Variants in STXBP3 observed in about 807,000 individuals in gnomAD.
STXBP3 encodes the protein syntaxin binding protein 3, also known as syntaxin-binding protein 3.
Under a neutral mutation model 85.7 loss-of-function variants are expected in STXBP3, and 41 were observed. The ratio of observed to expected loss-of-function variants is 0.48; its 90% confidence interval spans 0.37 to 0.62. The LOEUF (loss-of-function observed/expected upper bound fraction) is 0.62. STXBP3 is among the 20% of genes least tolerant of loss of function. The pLI, the probability that STXBP3 is intolerant of heterozygous loss-of-function variation, is 0.00. For synonymous variants in STXBP3, 229 were observed against 231.7 expected, an observed-to-expected ratio of 0.99 and a Z score of 0.10; for missense variants, 563 against 703.1, an observed-to-expected ratio of 0.80 and a Z score of 2.25.
chr1:108,766,235 A>G (rs1662262195), intron 6 of STXBP3, among the ~76,000 whole-genome samples: 1 of 152,114 alleles, frequency 6.6e-6, no homozygotes, highest in African/African-American at 2.4e-5. Flanking sequence ...CCCTGAAAAA[A>G]AAAAGGTCAT....
At position 108,782,399 on chromosome 1, in the gene STXBP3, T is replaced by C. The variant is rs770923344; in HGVS notation, c.810-23T>C. On this transcript the variant is annotated intron_variant, in intron 9 of 18. Transcript: ENST00000370008. ...TTGGAGGGAAAAAAATCAAAAAGTT[T>C]TAGTGCTTCTGTCTACTTGTAGATA... The C allele has an allele frequency of 7.1e-6, 11 of 1,547,272 alleles. No individual in the cohort carries two copies. In the African/African-American group the frequency reaches 9.7e-5, roughly 14 times the overall value.
chr1:108,792,440 C>T (rs1662996376), intron 11 of STXBP3, among the ~76,000 whole-genome samples: 1 of 152,132 alleles, frequency 6.6e-6, no homozygotes, highest in Admixed American at 6.6e-5. Context: ...TACGTGCATA[C>T]AGTGTGTAAT....
At chr1:108,787,735 T>C (rs1389760) in intron 11 of STXBP3, among the ~76,000 whole-genome samples, 107,071 of 151,896 alleles carry the variant, frequency 0.7, 38,717 homozygotes, top group Non-Finnish European at 0.77. Flanking sequence ...AGGATGTTCC[T>C]TTCTATTCTT....
chr1:108,753,715 T>C (rs977393556), intron 3 of STXBP3, among the ~76,000 whole-genome samples: 2 of 152,152 alleles, frequency 1.3e-5, no homozygotes, highest in African/African-American at 4.8e-5. Context: ...TATTGAGATA[T>C]TAATCTGTAT....
chr1:108,764,687 T>C (rs1662220116), intron 6 of STXBP3, among the ~76,000 whole-genome samples: 1 of 152,200 alleles, frequency 6.6e-6, no homozygotes, highest in African/African-American at 2.4e-5. Context: ...GGGTCACCTG[T>C]ATGTCTTTTG....
At chr1:108,764,249 T>A (rs1002516637) in intron 6 of STXBP3, among the ~76,000 whole-genome samples, 2 of 152,086 alleles carry the variant, frequency 1.3e-5, no homozygotes, top group Non-Finnish European at 2.9e-5. Context: ...TATTCTATGG[T>A]ACATATATAT....
At chr1:108,760,111 T>C in intron 6 of STXBP3, 26 bp downstream of exon 6, 1 of 1,420,192 alleles carries the variant, frequency 7.0e-7, no homozygotes, top group Non-Finnish European at 9.5e-7. Flanking sequence ...ATTTTTTAGT[T>C]CATGAGAGGT....
Position 108,778,124 on chromosome 1 carries a change from T to C in STXBP3, c.685-1162T>C, listed in dbSNP as rs76872059. ...CAAGGCTGTGCTCTGAACCACCATA[T>C]CATACTGTCTCAAAATTTAATTAAA... is the stretch of plus-strand genomic sequence containing the variant. On this transcript the variant is annotated intron_variant, in intron 8 of 18. Coordinates refer to ENST00000370008, the MANE Select transcript of STXBP3 (RefSeq NM_007269.4). Among the ~76,000 whole-genome samples the C allele has an allele frequency of 0.011, 1,636 of 152,266 alleles. 62 individuals are homozygous for C. The South Asian group carries it at 0.12, about 11-fold the overall frequency.
At chr1:108,779,677 G>T in intron 9 of STXBP3, 1 of 223,928 alleles carries the variant, frequency 4.5e-6, no homozygotes, top group Non-Finnish European at 8.6e-6. Context: ...TAAACACAGG[G>T]AATTTGGCCC....
chr1:108,799,486 CT>C (rs2101135535), intron 16 of STXBP3, among the ~76,000 whole-genome samples: 1 of 152,166 alleles, frequency 6.6e-6, no homozygotes, highest in East Asian at 1.9e-4. Flanking sequence ...AGTCTTAGGC[CT>C]TTAGAATTTC....
intron 5 of STXBP3, chr1:108,759,211 T>G (rs2101106182): frequency 6.6e-6 from 1 of 152,318 alleles, no homozygotes; most frequent in South Asian, 2.1e-4. Context: ...CTGTTAGAGA[T>G]TCCTCACTTT....
chr1:108,796,814 GTCT>G (rs1663114350), intron 15 of STXBP3, 88 bp downstream of exon 15: 2 of 823,508 alleles, frequency 2.4e-6, no homozygotes, highest in South Asian at 3.0e-5. Flanking sequence ...TATGTGGACA[GTCT>G]TCTTAAGTTC....
At position 108,772,683 on chromosome 1, in the gene STXBP3, C is replaced by G; in HGVS notation, c.457C>G (p.Pro153Ala). The G allele has an allele frequency of 6.5e-7, 1 of 1,526,846 alleles. No individual in the cohort carries two copies. Among genetic ancestry groups the G allele is most frequent in the Non-Finnish European group, 8.8e-7 (1 of 1,132,098 alleles). 94.6% of individuals were successfully genotyped at this position (1,526,846 alleles called of 1,614,324 possible). ...HESQVYTLDV[P>A]DAFYYCYSPD... ...AACTTAGGTGTATACTCTTGATGTA[C>G]CAGATGCATTCTATTACTGTTATAG... Residue 153 changes from proline (P) to alanine (A), a missense_variant, in exon 7 of 19, where the codon CCA becomes GCA. By Grantham distance (27) the Pro-to-Ala change is conservative (BLOSUM62 -1). Coordinates refer to ENST00000370008, the MANE Select transcript of STXBP3 (RefSeq NM_007269.4).
At chr1:108,789,928 T>C (rs1662941269) in intron 11 of STXBP3, among the ~76,000 whole-genome samples, 1 of 148,286 alleles carries the variant, frequency 6.7e-6, no homozygotes, top group Non-Finnish European at 1.5e-5. Context: ...TAGCCATGTG[T>C]GATGGCACAC....
intron 1 of STXBP3, among the ~76,000 whole-genome samples, chr1:108,751,178 A>G (rs1010241554): frequency 1.3e-5 from 2 of 152,060 alleles, no homozygotes; most frequent in African/African-American, 2.4e-5. Flanking sequence ...CCCTCTAAAC[A>G]TGGCTTGGTC....
intron 16 of STXBP3, among the ~76,000 whole-genome samples, 169 bp downstream of exon 16, chr1:108,798,406 CTTTTTT>C (rs781000610): frequency 1.8e-3 from 183 of 101,568 alleles, no homozygotes; most frequent in African/African-American, 6.4e-3. Context: ...GATTCTTCTT[CTTTTTT>C]TTTTTTTTTT....
chr1:108,773,377 C>T (rs1662509765), intron 7 of STXBP3, among the ~76,000 whole-genome samples: 1 of 152,114 alleles, frequency 6.6e-6, no homozygotes, highest in African/African-American at 2.4e-5. Context: ...TGTTAACTGA[C>T]AAAACCAATT....
intron 3 of STXBP3, among the ~76,000 whole-genome samples, chr1:108,753,535 A>G (rs1015640836): frequency 4.6e-5 from 7 of 152,144 alleles, no homozygotes; most frequent in African/African-American, 1.7e-4. Context: ...GCTGTTGTAC[A>G]TGTTTACAAA....
chr1:108,787,971 T>C (rs1053035549), intron 11 of STXBP3, among the ~76,000 whole-genome samples: 1 of 151,960 alleles, frequency 6.6e-6, no homozygotes, highest in Non-Finnish European at 1.5e-5. Context: ...TGTGTGTTTT[T>C]AATAGAGACA....
Sources: allele counts gnomAD v4.1 joint callset (sites outside exome capture counted in the v4.1 genomes callset), GRCh38; gene constraint gnomAD v4.1.1; transcripts MANE v1.5; gene names NCBI Gene and HGNC (gene_info 2026-07-23, HGNC 2026-07-21).